VAT1L: variants seen among roughly 807,000 people sequenced by gnomAD.
VAT1L encodes vesicle amine transport 1 like.
In VAT1L, 34 loss-of-function variants were observed where a neutral mutation model predicts 44.1. That is an observed-to-expected ratio of 0.77 (90% confidence interval 0.59 to 1.03). The LOEUF (loss-of-function observed/expected upper bound fraction) is 1.03, where lower values mean the gene tolerates loss of function less well. VAT1L is among the 50% of genes least tolerant of loss of function. The pLI is 0.00. For synonymous variants in VAT1L, 253 were observed against 202.2 expected (o/e 1.25, Z -2.13); for missense variants, 615 against 538.8 (o/e 1.14, Z -1.40).
At chr16:77,871,990 A>G (rs1290123030) in intron 4 of VAT1L, among the ~76,000 whole-genome samples, 1 of 152,158 alleles carries the variant, frequency 6.6e-6, no homozygotes, top group Non-Finnish European at 1.5e-5. Context: ...CAAAGCTACC[A>G]TGGACCCAGA....
chr16:77,955,291 C>T (rs897009465), intron 7 of VAT1L, among the ~76,000 whole-genome samples: 7 of 152,148 alleles, frequency 4.6e-5, no homozygotes, highest in African/African-American at 1.7e-4. Context: ...TTTTGTTTGT[C>T]ACAACGGGGT....
chr16:77,830,850 A>C (rs1238223389), intron 3 of VAT1L, among the ~76,000 whole-genome samples: 1 of 152,078 alleles, frequency 6.6e-6, no homozygotes, highest in African/African-American at 2.4e-5. Context: ...TGCCCAGCTA[A>C]TTTTTGTATT....
At chr16:77,958,026 G>A (rs947625989) in intron 7 of VAT1L, among the ~76,000 whole-genome samples, 1 of 151,960 alleles carries the variant, frequency 6.6e-6, no homozygotes, top group African/African-American at 2.4e-5. Context: ...TCCTTCTTCT[G>A]CCTTCCAAGT....
chr16:77,913,925 G>C (rs1405637884), intron 7 of VAT1L, among the ~76,000 whole-genome samples: 1 of 152,202 alleles, frequency 6.6e-6, no homozygotes, highest in Non-Finnish European at 1.5e-5. Flanking sequence ...CCTCTTGGTA[G>C]AGAGGCTCTT....
intron 3 of VAT1L, among the ~76,000 whole-genome samples, chr16:77,859,110 G>C (rs2016889583): frequency 6.6e-6 from 1 of 151,560 alleles, no homozygotes; most frequent in African/African-American, 2.4e-5. Flanking sequence ...ATTTCAGCCT[G>C]GGCAACAAGA....
At chr16:77,947,001 G>A (rs11150029) in intron 7 of VAT1L, among the ~76,000 whole-genome samples, 23,821 of 152,092 alleles carry the variant, frequency 0.16, 2,154 homozygotes, top group East Asian at 0.39. Flanking sequence ...TTTTTATCTC[G>A]TTACCATGGC....
chr16:77,823,773 T>A (rs2016487122), intron 2 of VAT1L, among the ~76,000 whole-genome samples: 1 of 152,130 alleles, frequency 6.6e-6, no homozygotes, highest in African/African-American at 2.4e-5. Flanking sequence ...AATCCCAGCA[T>A]TTTGGGAGGC....
At chr16:77,945,505 G>T (rs2017950346) in intron 7 of VAT1L, among the ~76,000 whole-genome samples, 2 of 151,784 alleles carry the variant, frequency 1.3e-5, no homozygotes, top group African/African-American at 2.4e-5. Flanking sequence ...GCCAAAGCTG[G>T]TCTCGAATTC....
chr16:77,936,657 C>A (rs1320407235), intron 7 of VAT1L, among the ~76,000 whole-genome samples: 1 of 152,186 alleles, frequency 6.6e-6, no homozygotes, highest in Admixed American at 6.5e-5. Flanking sequence ...GCACTTCCTG[C>A]CTCACAGTTT....
At chr16:77,821,930 T>G (rs1444253111) in intron 2 of VAT1L, among the ~76,000 whole-genome samples, 4 of 152,166 alleles carry the variant, frequency 2.6e-5, no homozygotes, top group Non-Finnish European at 4.4e-5. Flanking sequence ...CAGCACCAAG[T>G]GCAGAAATAG....
chr16:77,863,062 C>T (rs957251175), intron 4 of VAT1L, among the ~76,000 whole-genome samples, 172 bp downstream of exon 4: 2 of 152,210 alleles, frequency 1.3e-5, no homozygotes, highest in African/African-American at 4.8e-5. Context: ...ATTTAATCCT[C>T]TTAACCTCAC....
chr16:77,927,067 G>C (rs758690535), intron 7 of VAT1L, among the ~76,000 whole-genome samples: 2 of 152,128 alleles, frequency 1.3e-5, no homozygotes, highest in African/African-American at 4.8e-5. Context: ...GGCCCGGCGC[G>C]GTGGCTCACG....
intron 4 of VAT1L, among the ~76,000 whole-genome samples, chr16:77,870,818 G>A (rs937837205): frequency 3.3e-5 from 5 of 152,172 alleles, no homozygotes; most frequent in African/African-American, 7.2e-5. Context: ...GAGTCAGGGG[G>A]CACAGAAATG....
intron 2 of VAT1L, among the ~76,000 whole-genome samples, chr16:77,824,025 GA>G (rs1301136728): frequency 2.0e-5 from 3 of 150,576 alleles, no homozygotes; most frequent in African/African-American, 4.9e-5. Context: ...CTCCATCTCA[GA>G]AAAAAAAAGA....
intron 4 of VAT1L, among the ~76,000 whole-genome samples, chr16:77,863,604 G>T (rs948735513): frequency 1.3e-5 from 2 of 152,314 alleles, no homozygotes; most frequent in African/African-American, 4.8e-5. Context: ...GAAGAAAGGG[G>T]CAGGGAGGGG....
At chr16:77,804,722 T>A (rs1285924526) in intron 1 of VAT1L, among the ~76,000 whole-genome samples, 1 of 152,124 alleles carries the variant, frequency 6.6e-6, no homozygotes, top group Non-Finnish European at 1.5e-5. Context: ...TCCTCATGAG[T>A]TGGCATCTTG....
At position 77,835,132 on chromosome 16, in the gene VAT1L, T is replaced by C. The variant is rs557569357; in HGVS notation, c.579+9671T>C. ...CTTTTTGTGTCTGGTTCCTGCCACG[T>C]CGTAAATGCAGTAAATACTTGTGAA... On this transcript the variant is annotated intron_variant, in intron 3 of 8. Transcript: ENST00000302536. Among the ~76,000 whole-genome samples the C allele has an allele frequency of 5.3e-5, 8 of 152,318 alleles. No homozygotes were observed. In the South Asian group the frequency reaches 1.7e-3, roughly 32 times the overall value.
At chr16:77,842,747 T>G (rs1481392432) in intron 3 of VAT1L, among the ~76,000 whole-genome samples, 4 of 152,218 alleles carry the variant, frequency 2.6e-5, no homozygotes, top group Non-Finnish European at 5.9e-5. Context: ...CCAGCCCCAC[T>G]AATTGAGTTT....
At chr16:77,959,090 T>C (rs1425711810) in intron 7 of VAT1L, among the ~76,000 whole-genome samples, 1 of 152,220 alleles carries the variant, frequency 6.6e-6, no homozygotes, top group Non-Finnish European at 1.5e-5. Context: ...ACTCAGAGAA[T>C]GGCCACCTCC....
Sources: gnomAD v4.1 joint callset for allele counts (sites outside exome capture counted in the v4.1 genomes callset) on GRCh38, gnomAD v4.1.1 for gene constraint, MANE v1.5 for transcripts, NCBI Gene and HGNC (gene_info 2026-07-23, HGNC 2026-07-21) for gene names.